EPB41: variants seen among roughly 807,000 people sequenced by gnomAD.
EPB41 encodes the protein erythrocyte membrane protein band 4.1.
In EPB41, 65 loss-of-function variants were observed where a neutral mutation model predicts 108.0. The ratio of observed to expected loss-of-function variants is 0.60; its 90% confidence interval spans 0.49 to 0.74. The LOEUF (loss-of-function observed/expected upper bound fraction) is 0.74, where lower values mean the gene tolerates loss of function less well. EPB41 is among the 30% of genes least tolerant of loss of function. The pLI, the probability that EPB41 is intolerant of heterozygous loss-of-function variation, is 0.00. For missense variants in EPB41, 875 were observed against 1,037.0 expected (o/e 0.84, Z 2.15); for synonymous variants, 336 against 358.9 (o/e 0.94, Z 0.72).
intron 1 of EPB41, among the ~76,000 whole-genome samples, chr1:28,917,034 T>G (rs1163509391): frequency 1.3e-5 from 2 of 151,972 alleles, no homozygotes; most frequent in Admixed American, 6.6e-5. Flanking sequence ...CAAGAGATCC[T>G]CCTCCCTGGG....
In EPB41 at chr1:28,988,321, A is replaced by G. The variant is rs2095918460; in HGVS notation, c.468+416A>G. Among the ~76,000 whole-genome samples the G allele has an allele frequency of 2.6e-5, 4 of 152,318 alleles. 1 individual carries two copies. The South Asian group carries it at 8.3e-4, about 32-fold the overall frequency. The stretch of plus-strand genomic sequence containing the variant: ...TTCTTACTAGCTAGTTGACTTAGGC[A>G]TTGATAGTGATAAGTAGCATCATAA... On this transcript the variant is annotated intron_variant, in intron 2 of 20. Coordinates refer to ENST00000343067, the MANE Select transcript of EPB41 (RefSeq NM_001376013.1).
chr1:29,059,868 A>G (rs1195560119), intron 14 of EPB41, among the ~76,000 whole-genome samples: 1 of 152,210 alleles, frequency 6.6e-6, no homozygotes, highest in Non-Finnish European at 1.5e-5. Context: ...AGTGGGATGA[A>G]TCAGTCTGAA....
chr1:28,967,013 CTTT>C (rs71586876), intron 1 of EPB41, among the ~76,000 whole-genome samples: 1 of 85,368 alleles, frequency 1.2e-5, no homozygotes, highest in Admixed American at 1.6e-4. Flanking sequence ...ATATGAGAAC[CTTT>C]TTTTTTTTTT....
At chr1:29,014,256 G>T (rs566908669) in intron 5 of EPB41, among the ~76,000 whole-genome samples, 1 of 152,218 alleles carries the variant, frequency 6.6e-6, no homozygotes, top group African/African-American at 2.4e-5. Context: ...GGTGGAGGTT[G>T]CAGTGAGCTG....
At chr1:29,079,375 A>G (rs1169469395) in intron 16 of EPB41, among the ~76,000 whole-genome samples, 1 of 151,762 alleles carries the variant, frequency 6.6e-6, no homozygotes, top group Non-Finnish European at 1.5e-5. Context: ...TTGGGTATCT[A>G]CAGAAAACGT....
At chr1:28,932,811 A>G (rs1023656705) in intron 1 of EPB41, among the ~76,000 whole-genome samples, 1 of 152,162 alleles carries the variant, frequency 6.6e-6, no homozygotes, top group South Asian at 2.1e-4. Context: ...TTTGTCATTA[A>G]TATTATTCGT....
chr1:29,007,256 T>C (rs1022208357), intron 4 of EPB41, among the ~76,000 whole-genome samples: 4 of 152,182 alleles, frequency 2.6e-5, no homozygotes. Context: ...ATTGCTTGAC[T>C]ACACCACACT....
chr1:28,937,437 C>G (rs1328340407), intron 1 of EPB41, among the ~76,000 whole-genome samples: 8 of 152,154 alleles, frequency 5.3e-5, no homozygotes. Flanking sequence ...TCTTGTCGCC[C>G]AGGCTGGAGT....
At chr1:28,929,221 A>AT (rs1476593493) in intron 1 of EPB41, among the ~76,000 whole-genome samples, 2 of 150,370 alleles carry the variant, frequency 1.3e-5, no homozygotes, top group Admixed American at 1.3e-4. Context: ...TTTTATTTTA[A>AT]TTTTTACTAT....
intron 7 of EPB41, among the ~76,000 whole-genome samples, chr1:29,019,769 GCTGT>G (rs2096621082): frequency 6.6e-6 from 1 of 152,242 alleles, no homozygotes; most frequent in African/African-American, 2.4e-5. Context: ...AAATGAGAGA[GCTGT>G]AACTTAAGAT....
At chr1:29,031,802 G>A (rs535777602) in intron 8 of EPB41, 2 of 152,240 alleles carry the variant, frequency 1.3e-5, no homozygotes, top group Admixed American at 6.5e-5. Context: ...TAAAGTTGCT[G>A]GGGAGGTCCA....
chr1:28,945,773 G>A (rs552527051), intron 1 of EPB41, among the ~76,000 whole-genome samples: 1 of 152,142 alleles, frequency 6.6e-6, no homozygotes, highest in African/African-American at 2.4e-5. Context: ...TCCTTACATA[G>A]GTTTGGCAAC....
chr1:28,924,418 A>G (rs552476845), intron 1 of EPB41, among the ~76,000 whole-genome samples: 12 of 152,266 alleles, frequency 7.9e-5, no homozygotes, highest in African/African-American at 2.9e-4. Context: ...AGTCCCAGCT[A>G]CTTGGGAGGT....
chr1:29,033,230 G>T lies in EPB41; in HGVS notation c.1350G>T (p.Lys450Asn), dbSNP rs1267390062. The T allele has an allele frequency of 1.2e-6, 2 of 1,613,800 alleles. No individual in the cohort carries two copies. The highest frequency in any genetic ancestry group is 4.5e-5 in the East Asian group (2 of 44,864). The change falls in exon 9 of 21, where the codon AAG becomes AAT. Residue 450 changes from lysine (K) to asparagine (N), a missense_variant. Physicochemically the swap from Lys to Asn is moderately conservative, Grantham distance 94 (BLOSUM62 0). Transcript: ENST00000343067. Reference sequence around the variant, plus strand: ...ATAAACGTAGTAGCTTTTTCATCAAGATTCGGCCTGGAGAGGTACAGAATT... The same window carrying T: ...ATAAACGTAGTAGCTTTTTCATCAATATTCGGCCTGGAGAGGTACAGAATT... ...ISYKRSSFFIKIRPGEQEQYE... is the reference protein window; with the variant it reads ...ISYKRSSFFINIRPGEQEQYE...
chr1:28,903,294 T>C (rs1328510870), intron 1 of EPB41, among the ~76,000 whole-genome samples: 1 of 151,904 alleles, frequency 6.6e-6, no homozygotes. Flanking sequence ...GTTTTTCACT[T>C]ATCTGAGACT....
intron 11 of EPB41, among the ~76,000 whole-genome samples, chr1:29,047,539 T>A (rs1643654349): frequency 6.6e-6 from 1 of 151,190 alleles, no homozygotes; most frequent in Admixed American, 6.6e-5. Context: ...TAGGTGTGAG[T>A]CATCGCACCT....
intron 1 of EPB41, among the ~76,000 whole-genome samples, chr1:28,967,417 C>T (rs2095386518): frequency 6.6e-6 from 1 of 152,086 alleles, no homozygotes; most frequent in Non-Finnish European, 1.5e-5. Context: ...GAGAGGATGT[C>T]TAGAATGATG....
intron 1 of EPB41, among the ~76,000 whole-genome samples, chr1:28,959,248 C>T (rs1310205877): frequency 7.7e-6 from 1 of 129,096 alleles, no homozygotes; most frequent in Non-Finnish European, 1.6e-5. Context: ...GACGGAGTCT[C>T]GCTCTGTTGC....
At chr1:29,091,348 T>C (rs1661097660) in intron 16 of EPB41, among the ~76,000 whole-genome samples, 1 of 152,266 alleles carries the variant, frequency 6.6e-6, no homozygotes, top group African/African-American at 2.4e-5. Context: ...CTATTCACAA[T>C]GCTAGGACTA....
Sources: allele counts gnomAD v4.1 joint callset (sites outside exome capture counted in the v4.1 genomes callset), GRCh38; gene constraint gnomAD v4.1.1; transcripts MANE v1.5; gene names NCBI Gene and HGNC (gene_info 2026-07-23, HGNC 2026-07-21).